The following CYP2U1 variants were observed in gnomAD, a reference collection of about 807,000 sequenced individuals.
CYP2U1 encodes cytochrome P450 family 2 subfamily U member 1, also known as cytochrome P450 2U1.
In CYP2U1, 28 loss-of-function variants were observed where a neutral mutation model predicts 42.8. That is an observed-to-expected ratio of 0.65 (90% CI 0.48 to 0.90). The LOEUF is 0.90. Ranked by LOEUF, CYP2U1 falls within the 40% of genes least tolerant of loss-of-function variation. The pLI, the probability that CYP2U1 is intolerant of heterozygous loss-of-function variation, is 0.00. For missense variants in CYP2U1, 642 were observed against 693.8 expected (o/e 0.93, Z 0.84); for synonymous variants, 296 against 278.9 (o/e 1.06, Z -0.61).
rs923118702 is a variant in CYP2U1 at position 107,947,509 on chromosome 4, C to T, written c.1260C>T (p.Ala420=). The change falls in exon 3 of 5, where the codon GCC becomes GCT. Residue 420 remains alanine (A), a synonymous_variant. Transcript: ENST00000332884. ...VQRLTVVVPL[A]IPHMTSENTV... ...GGCTAACTGTGGTGGTGCCGCTTGC[C>T]ATTCCTCATATGACCTCAGAGAACA... 1.2e-6 allele frequency: 2 copies of T among 1,614,084 alleles called. No homozygotes were observed. Among genetic ancestry groups the T allele is most frequent in the Non-Finnish European group, 1.7e-6 (2 of 1,180,010 alleles).
chr4:107,944,516 A>G (rs1733612769), intron 1 of CYP2U1, among the ~76,000 whole-genome samples: 2 of 151,002 alleles, frequency 1.3e-5, no homozygotes, highest in South Asian at 4.2e-4. Flanking sequence ...CTGTTGCCCA[A>G]GCTGGTCTGG....
intron 1 of CYP2U1, among the ~76,000 whole-genome samples, chr4:107,937,068 C>T (rs1022948046): frequency 6.6e-6 from 1 of 151,996 alleles, no homozygotes; most frequent in African/African-American, 2.4e-5. Context: ...TGATATGGCT[C>T]GGATAATATC....
chr4:107,937,297 A>G (rs1733305689), intron 1 of CYP2U1: 1 of 152,216 alleles, frequency 6.6e-6, no homozygotes, highest in Admixed American at 6.5e-5. Flanking sequence ...TTAACTGAGT[A>G]TGTAATAAAA....
chr4:107,937,130 A>G (rs1260845126), intron 1 of CYP2U1, among the ~76,000 whole-genome samples: 3 of 152,230 alleles, frequency 2.0e-5, no homozygotes, highest in Non-Finnish European at 4.4e-5. Context: ...ATAAAAATAG[A>G]AGGCAAAAAG....
chr4:107,934,085 T>C (rs1167605564), intron 1 of CYP2U1, among the ~76,000 whole-genome samples: 1 of 152,208 alleles, frequency 6.6e-6, no homozygotes, highest in Non-Finnish European at 1.5e-5. Flanking sequence ...GTTTAATTTT[T>C]TGAAGAACCA....
chr4:107,945,272 A>T lies in CYP2U1; in HGVS notation c.793A>T (p.Ser265Cys). The change falls in exon 2 of 5, where the codon AGT (serine) becomes TGT (cysteine). Residue 265 changes from serine (S) to cysteine (C), a missense_variant. Ser to Cys is a moderately radical substitution (Grantham distance 112). Coordinates refer to ENST00000332884, the MANE Select transcript of CYP2U1 (RefSeq NM_183075.3). ...ACGAGGCCTAGAAATCTGTCTGAAC[A>T]GTCAAGTCCTCCTGGTCAACATATG... ...MSRGLEICLN[S>C]QVLLVNICPW... 1 of 1,614,188 alleles carries T rather than the reference A, an allele frequency of 6.2e-7. No individual in the cohort carries two copies. The highest frequency in any genetic ancestry group is 8.5e-7 in the Non-Finnish European group (1 of 1,180,042).
chr4:107,934,758 G>A (rs915588144), intron 1 of CYP2U1, among the ~76,000 whole-genome samples: 1 of 152,178 alleles, frequency 6.6e-6, no homozygotes, highest in African/African-American at 2.4e-5. Context: ...CTCAAGGTAC[G>A]ATGTTTGTCT....
chr4:107,950,205 G>T, intron 4 of CYP2U1, 40 bp from the exon 5 acceptor site: 2 of 1,519,848 alleles, frequency 1.3e-6, no homozygotes, highest in South Asian at 1.3e-5. Flanking sequence ...GAGAAGGGAT[G>T]GTATTATAAT....
At chr4:107,939,480 A>T (rs372462253) in intron 1 of CYP2U1, among the ~76,000 whole-genome samples, 1 of 152,236 alleles carries the variant, frequency 6.6e-6, no homozygotes, top group South Asian at 2.1e-4. Flanking sequence ...AACACACTCT[A>T]TCCACATTGA....
At chr4:107,932,665 A>ATTGGACAT (rs1441941532) in intron 1 of CYP2U1, among the ~76,000 whole-genome samples, 1 of 152,200 alleles carries the variant, frequency 6.6e-6, no homozygotes, top group Non-Finnish European at 1.5e-5. Flanking sequence ...GGGAGTCTAA[A>ATTGGACAT]TTGGACATTT....
At position 107,931,856 on chromosome 4, in the gene CYP2U1, C is replaced by G. The variant is rs2126188271; in HGVS notation, c.213C>G (p.Asn71Lys). 1.9e-6 allele frequency: 3 copies of G among 1,545,642 alleles called. No individual in the cohort carries two copies. Among genetic ancestry groups the G allele is most frequent in the Non-Finnish European group, 2.6e-6 (3 of 1,144,300 alleles). ...PGPTPWPLVG[N>K]FGHVLLPPFL... The stretch of plus-strand genomic sequence containing the variant: ...CCACGCCCTGGCCTCTGGTGGGCAA[C>G]TTCGGTCACGTGCTGCTGCCTCCCT... Residue 71 changes from asparagine to lysine, a missense_variant, in exon 1 of 5, where the codon AAC becomes AAG. Asn to Lys is a moderately conservative substitution (Grantham distance 94, BLOSUM62 0). Coordinates refer to ENST00000332884, the MANE Select transcript of CYP2U1 (RefSeq NM_183075.3).
Position 107,945,520 on chromosome 4 carries a change from G to T in CYP2U1, c.1041G>T (p.Gly347=). Residue 347 remains glycine (G), a synonymous_variant, in exon 2 of 5, where the codon GGG becomes GGT. Transcript: ENST00000332884. ...AAGAGTACTTATTTTATATCATTGG[G>T]GATCTCTTTATTGCTGGGACTGATA... ...FDEEYLFYII[G]DLFIAGTDTT... 1 of 1,613,846 alleles carries T rather than the reference G, an allele frequency of 6.2e-7. No homozygotes were observed. The highest frequency in any genetic ancestry group is 8.5e-7 in the Non-Finnish European group (1 of 1,179,936).
intron 1 of CYP2U1, among the ~76,000 whole-genome samples, chr4:107,942,127 G>A (rs945896655): frequency 9.2e-5 from 14 of 152,152 alleles, no homozygotes; most frequent in Admixed American, 2.6e-4. Flanking sequence ...CAAAGTGAGC[G>A]TCCAAGCCAA....
At chr4:107,937,408 T>C (rs1266398383) in intron 1 of CYP2U1, 2 of 152,124 alleles carry the variant, frequency 1.3e-5, no homozygotes, top group Admixed American at 6.5e-5. Context: ...AAGAAAAGGG[T>C]AAATGTAATC....
chr4:107,933,212 A>G (rs542939054), intron 1 of CYP2U1, among the ~76,000 whole-genome samples: 1 of 152,358 alleles, frequency 6.6e-6, no homozygotes, highest in South Asian at 2.1e-4. Flanking sequence ...AGGGACAGAA[A>G]GTCTCAGTTT....
chr4:107,946,907 C>G (rs1733716592), intron 2 of CYP2U1, among the ~76,000 whole-genome samples: 1 of 152,134 alleles, frequency 6.6e-6, no homozygotes, highest in Non-Finnish European at 1.5e-5. Context: ...TGAGGAGCCA[C>G]TCTGATCTCA....
Position 107,945,465 on chromosome 4 carries a change from G to T in CYP2U1, c.986G>T (p.Arg329Met), listed in dbSNP as rs778415352. ...TACCTTCTCCACATGGAAGAGGAGAGGAAAAATAATAGTAACAGCAGTTTT... is the reference window on the plus strand; with the variant it reads ...TACCTTCTCCACATGGAAGAGGAGATGAAAAATAATAGTAACAGCAGTTTT... Reference protein sequence around the residue: ...DMYLLHMEEERKNNSNSSFDE... With the variant: ...DMYLLHMEEEMKNNSNSSFDE... The change falls in exon 2 of 5, where the codon AGG becomes ATG. Residue 329 changes from arginine to methionine, a missense_variant. Physicochemically the swap from Arg to Met is moderately conservative, Grantham distance 91. Transcript: ENST00000332884. The T allele has an allele frequency of 6.2e-7, 1 of 1,614,078 alleles. No homozygotes were observed. Among genetic ancestry groups the T allele is most frequent in the Non-Finnish European group, 8.5e-7 (1 of 1,180,014 alleles).
At chr4:107,940,916 A>G (rs1487823324) in intron 1 of CYP2U1, 1 of 152,210 alleles carries the variant, frequency 6.6e-6, no homozygotes. Flanking sequence ...GCTTGCCAGA[A>G]TGGATTTTTT....
intron 1 of CYP2U1, among the ~76,000 whole-genome samples, chr4:107,942,904 A>G (rs1006739246): frequency 1.3e-5 from 2 of 152,240 alleles, no homozygotes. Flanking sequence ...TAAAATATGC[A>G]GCACAAATCA....
Sources: gnomAD v4.1 joint callset for allele counts (sites outside exome capture counted in the v4.1 genomes callset) on GRCh38, gnomAD v4.1.1 for gene constraint, MANE v1.5 for transcripts, NCBI Gene and HGNC (gene_info 2026-07-23, HGNC 2026-07-21) for gene names.